The following ATAD2 variants were observed in gnomAD, a reference collection of about 807,000 sequenced individuals.
ATAD2 encodes the protein ATPase family AAA domain-containing protein 2.
In ATAD2, 62 loss-of-function variants were observed where a neutral mutation model predicts 168.9. That is an observed-to-expected ratio of 0.37 (90% CI 0.30 to 0.45). ATAD2 has a LOEUF of 0.45. Ranked by LOEUF, ATAD2 falls within the 20% of genes least tolerant of loss-of-function variation. The probability of loss-of-function intolerance (pLI) is 1.00; values close to 1 mark genes in which losing one functional copy is unlikely to be tolerated. For missense variants in ATAD2, 1,419 were observed against 1,667.8 expected, an observed-to-expected ratio of 0.85 and a Z score of 2.60; for synonymous variants, 613 against 571.6, an observed-to-expected ratio of 1.07 and a Z score of -1.03.
chr8:123,334,970 G>GA lies in ATAD2; in HGVS notation c.3212-649dup, dbSNP rs1827875916. Among the ~76,000 whole-genome samples the GA allele has an allele frequency of 3.3e-5, 5 of 152,298 alleles. No individual in the cohort carries two copies. In the South Asian group the frequency reaches 1.0e-3, roughly 32 times the overall value. The stretch of plus-strand genomic sequence containing the variant: ...TTCTAACATGGCATTTGGGCCTGAA[G>GA]AAAGTCAGGGCAAGGTCGAAGTAGT... On this transcript the variant is annotated intron_variant, in intron 22 of 27. Transcript: ENST00000287394.
chr8:123,348,644 C>T (rs1828338300), intron 14 of ATAD2, among the ~76,000 whole-genome samples: 1 of 152,078 alleles, frequency 6.6e-6, no homozygotes, highest in East Asian at 1.9e-4. Flanking sequence ...GCCACTGCAC[C>T]CCAGCCTGGG....
rs541951808 is a variant in ATAD2, at chr8:123,376,083, C to T, written c.321-3397G>A. ...TTGAGCCACTGCATTCCAGCCTGGG[C>T]GACAGAGCAAGACTCCGTCTCAAAA... On this transcript the variant is annotated intron_variant, in intron 2 of 27. Transcript: ENST00000287394. Among the ~76,000 whole-genome samples the T allele has an allele frequency of 1.5e-4, 23 of 149,540 alleles. 1 individual carries two copies. Among genetic ancestry groups the T allele is most frequent in the African/African-American group, 5.4e-4 (22 of 40,498 alleles).
intron 11 of ATAD2, 43 bp from the exon 12 acceptor site, chr8:123,357,779 G>T: frequency 6.6e-7 from 1 of 1,509,244 alleles, no homozygotes; most frequent in East Asian, 2.4e-5. Flanking sequence ...CATTTAAAAA[G>T]CAGACTTTTA....
At position 123,328,428 on chromosome 8, in the gene ATAD2, T is replaced by C. The variant is rs2131281300; in HGVS notation, c.3630A>G (p.Val1210=). 5 of 1,611,210 alleles carry C rather than the reference T, an allele frequency of 3.1e-6. No individual in the cohort carries two copies. In the East Asian group the frequency reaches 8.9e-5, roughly 29 times the overall value. ...CTGTGTTTCCGGTCTCATTATGATC[T>C]ACACTTGTGTCTTGAGTTTCCTCTG... The part of the protein sequence containing the change: ...SDTEETQDTS[V]DHNETGNTGE... Residue 1210 remains valine (V), a synonymous_variant, in exon 25 of 28, where the codon GTA becomes GTG. Transcript: ENST00000287394.
At chr8:123,366,234 G>A (rs1018368141) in intron 8 of ATAD2, among the ~76,000 whole-genome samples, 4 of 152,006 alleles carry the variant, frequency 2.6e-5, no homozygotes, top group Non-Finnish European at 4.4e-5. Flanking sequence ...CCTTACCCCC[G>A]CAAAAATGGC....
At chr8:123,328,126 G>T in intron 25 of ATAD2, 64 bp downstream of exon 25, 1 of 1,243,748 alleles carries the variant, frequency 8.0e-7, no homozygotes, top group Non-Finnish European at 1.0e-6. Flanking sequence ...GATGCAATTA[G>T]GTGTTTAGAA....
At chr8:123,340,523 T>C (rs748590865) in intron 19 of ATAD2, among the ~76,000 whole-genome samples, 7 of 152,174 alleles carry the variant, frequency 4.6e-5, no homozygotes, top group African/African-American at 7.2e-5. Context: ...CCAGTAATCA[T>C]AGCAGCTTTA....
chr8:123,405,058 C>A (rs745619349), intron 1 of ATAD2, among the ~76,000 whole-genome samples: 4 of 152,006 alleles, frequency 2.6e-5, no homozygotes, highest in Admixed American at 6.6e-5. Context: ...TGTAAATGGC[C>A]AGAGAGTAAA....
chr8:123,325,945 G>C lies in ATAD2; in HGVS notation c.3950C>G (p.Ala1317Gly). 1.2e-6 allele frequency: 2 copies of C among 1,614,088 alleles called. No individual in the cohort carries two copies. The highest frequency in any genetic ancestry group is 1.7e-6 in the Non-Finnish European group (2 of 1,179,970). ...TGAGGGTGTAGGCTGAGAAAGAATT[G>C]CCAAAGCCTTTTCAACAGTGATGAG... ...QQLITVEKALAILSQPTPSLV... is the reference protein window; with the variant it reads ...QQLITVEKALGILSQPTPSLV... Residue 1317 changes from alanine to glycine, a missense_variant, in exon 26 of 28, where the codon GCA (alanine) becomes GGA (glycine). By Grantham distance (60) the Ala-to-Gly change is moderately conservative (BLOSUM62 0). Transcript: ENST00000287394.
chr8:123,402,219 C>T lies in ATAD2; in HGVS notation c.-2281-1044G>A, dbSNP rs1586913147. On this transcript the variant is annotated intron_variant, in intron 1 of 28. Coordinates refer to the ATAD2 transcript ENST00000521903. This position sits in a 1 kb window ranked among gnomAD's most constrained non-coding sequence, Gnocchi z 4.8. ...CAGATTTGCACTACGGGTTCCCCAG[C>T]TCCTTTCCAGGGAGAGAGGAGGCGA... is the stretch of plus-strand genomic sequence containing the variant. The T allele has an allele frequency of 1.6e-6, 1 of 608,210 alleles. No homozygotes were observed. Among genetic ancestry groups the T allele is most frequent in the East Asian group, 2.8e-5 (1 of 35,324 alleles). The allele number at this position is 608,210 out of a possible 1,614,324, so 37.7% of individuals were successfully genotyped here.
At chr8:123,338,012 G>C (rs1827965291) in intron 20 of ATAD2, among the ~76,000 whole-genome samples, 191 bp from the exon 21 acceptor site, 1 of 152,178 alleles carries the variant, frequency 6.6e-6, no homozygotes, top group Non-Finnish European at 1.5e-5. Flanking sequence ...TTAGTAACTT[G>C]TAATTTGGAA....
At chr8:123,408,017 T>C (rs1341080868) in intron 1 of ATAD2, among the ~76,000 whole-genome samples, 1 of 152,222 alleles carries the variant, frequency 6.6e-6, no homozygotes, top group Non-Finnish European at 1.5e-5. Context: ...CCCTTTCTGT[T>C]CTTTGGTAGC....
rs1308884672 is a variant in ATAD2 at position 123,320,060 on chromosome 8, T to C, written c.*1074A>G. 2 of 152,164 alleles carry C rather than the reference T, an allele frequency of 1.3e-5. No homozygotes were observed. Among genetic ancestry groups the C allele is most frequent in the African/African-American group, 4.8e-5 (2 of 41,450 alleles). The allele number at this position is 152,164 out of a possible 1,614,324, so 9.4% of individuals were successfully genotyped here. ...AAGATAGTATGTACTAATTAAGGTA[T>C]TGAATTCACTGGGTTTTAGAAGGCT... is the stretch of plus-strand genomic sequence containing the variant. On this transcript the variant is annotated 3_prime_UTR_variant, in exon 28 of 28. Coordinates refer to ENST00000287394, the MANE Select transcript of ATAD2 (RefSeq NM_014109.4).
chr8:123,400,445 G>A (rs527885147), upstream of ATAD2: 83 of 357,154 alleles, frequency 2.3e-4, 1 homozygote, highest in East Asian at 5.6e-3. The surrounding 1 kb of genome is among the most constrained non-coding windows in gnomAD (Gnocchi z 4.5). Flanking sequence ...TGAGGTGGGA[G>A]GATCGCTTGA....
chr8:123,339,493 C>A (rs757302352), intron 19 of ATAD2, 47 bp from the exon 20 acceptor site: 1 of 1,466,406 alleles, frequency 6.8e-7, no homozygotes, highest in Non-Finnish European at 9.2e-7. Flanking sequence ...TACAGATGAT[C>A]CCCAACTTAC....
At position 123,379,693 on chromosome 8, in the gene ATAD2, G is replaced by A. The variant is rs996835236; in HGVS notation, c.320+836C>T. Among the ~76,000 whole-genome samples, 3 of 151,552 alleles carry A rather than the reference G, an allele frequency of 2.0e-5. No homozygotes were observed. In the East Asian group the frequency reaches 5.9e-4, roughly 30 times the overall value. On this transcript the variant is annotated intron_variant, in intron 2 of 27. Transcript: ENST00000287394. ...TTCTTCTGCCTCAGCCTCCCGAGTA[G>A]CTGGGACCTCAGGTGCATGCCACTA...
chr8:123,371,181 A>G lies in ATAD2; in HGVS notation c.639+55T>C. 2.2e-6 allele frequency: 3 copies of G among 1,395,282 alleles called. No homozygotes were observed. The South Asian group carries it at 3.9e-5, about 18-fold the overall frequency. 86.4% of individuals were successfully genotyped at this position (1,395,282 alleles called of 1,614,324 possible). A position where few individuals can be genotyped will look rare whatever the true frequency, so the allele number is the denominator to read the frequency against. On this transcript the variant is annotated intron_variant, in intron 5 of 27. Coordinates refer to ENST00000287394, the MANE Select transcript of ATAD2 (RefSeq NM_014109.4). ...TTTAATGAAAAATGGATTAGGTACTATAAAAAAATTAAACTGGATATTAAA... is the reference window on the plus strand; with the variant it reads ...TTTAATGAAAAATGGATTAGGTACTGTAAAAAAATTAAACTGGATATTAAA...
At chr8:123,365,009 T>C (rs879801032) in intron 8 of ATAD2, among the ~76,000 whole-genome samples, 3 of 151,796 alleles carry the variant, frequency 2.0e-5, no homozygotes, top group Admixed American at 6.6e-5. Flanking sequence ...ATTATATGAT[T>C]GTGCACCTAG....
chr8:123,397,912 G>A (rs1023054235), upstream of ATAD2, among the ~76,000 whole-genome samples: 6 of 152,110 alleles, frequency 3.9e-5, no homozygotes, highest in Non-Finnish European at 1.5e-5. Context: ...AGAGAGAGGC[G>A]GGAAGCAGGA....
Sources: gnomAD v4.1 joint callset for allele counts (sites outside exome capture counted in the v4.1 genomes callset) on GRCh38, gnomAD v4.1.1 for gene constraint, Gnocchi (gnomAD v3.1) non-coding constraint, MANE v1.5 for transcripts, NCBI Gene and HGNC (gene_info 2026-07-23, HGNC 2026-07-21) for gene names.